Variants in ASAP2 observed in about 807,000 individuals in gnomAD.
The protein encoded by ASAP2 is ArfGAP with SH3 domain, ankyrin repeat and PH domain 2.
In ASAP2, 45 loss-of-function variants were observed where a neutral mutation model predicts 131.4. That is an observed-to-expected ratio of 0.34 (90% CI 0.27 to 0.44). The LOEUF (loss-of-function observed/expected upper bound fraction) is 0.44, where lower values mean the gene tolerates loss of function less well. Among genes scored for constraint, ASAP2 ranks in the 20% least tolerant of loss-of-function variants. ASAP2 has a pLI of 1.00. For missense variants in ASAP2, 1,011 were observed against 1,297.0 expected, an observed-to-expected ratio of 0.78 and a Z score of 3.39; for synonymous variants, 510 against 503.0, an observed-to-expected ratio of 1.01 and a Z score of -0.19.
intron 3 of ASAP2, among the ~76,000 whole-genome samples, chr2:9,305,561 A>G (rs1668850670): frequency 7.8e-6 from 1 of 127,828 alleles, no homozygotes; most frequent in African/African-American, 3.1e-5. Flanking sequence ...ATATTGGTGG[A>G]GGGGCTGTAG....
At chr2:9,266,331 G>T (rs1665948978) in intron 1 of ASAP2, among the ~76,000 whole-genome samples, 1 of 152,004 alleles carries the variant, frequency 6.6e-6, no homozygotes, top group African/African-American at 2.4e-5. Flanking sequence ...ACTTTTTGTA[G>T]AGATGGGGTC....
chr2:9,363,672 C>T (rs1673254319), intron 15 of ASAP2, among the ~76,000 whole-genome samples: 1 of 152,156 alleles, frequency 6.6e-6, no homozygotes, highest in South Asian at 2.1e-4. Flanking sequence ...CAGCCTCTAC[C>T]TCCCAGGCTC....
At chr2:9,371,530 ATT>A (rs1673956665) in intron 16 of ASAP2, among the ~76,000 whole-genome samples, 1 of 152,192 alleles carries the variant, frequency 6.6e-6, no homozygotes, top group South Asian at 2.1e-4. Context: ...TTCTAGCTTT[ATT>A]TCAGAACAGC....
At chr2:9,295,724 T>G (rs1158578415) in intron 2 of ASAP2, among the ~76,000 whole-genome samples, 3 of 152,192 alleles carry the variant, frequency 2.0e-5, no homozygotes, top group Admixed American at 2.0e-4. Context: ...TTCATTTAAT[T>G]TATCTAGAAC....
chr2:9,390,280 G>C (rs921635102), intron 22 of ASAP2, among the ~76,000 whole-genome samples: 1 of 152,246 alleles, frequency 6.6e-6, no homozygotes. Context: ...GGAGTTGACA[G>C]TGTCAGCCTT....
chr2:9,221,835 C>T (rs1223846015), intron 1 of ASAP2, among the ~76,000 whole-genome samples: 2 of 152,204 alleles, frequency 1.3e-5, no homozygotes, highest in Non-Finnish European at 2.9e-5. Context: ...CGCTCTGTCG[C>T]CCAGGCTGGA....
chr2:9,231,701 A>G (rs569129278), intron 1 of ASAP2, among the ~76,000 whole-genome samples: 2 of 152,036 alleles, frequency 1.3e-5, no homozygotes, highest in Non-Finnish European at 2.9e-5. Flanking sequence ...TGGCATCTGC[A>G]TGCTGTGTTC....
chr2:9,240,733 TAAGTC>T (rs1418885992), intron 1 of ASAP2, among the ~76,000 whole-genome samples: 1 of 152,234 alleles, frequency 6.6e-6, no homozygotes, highest in African/African-American at 2.4e-5. Flanking sequence ...AATTTTTCCT[TAAGTC>T]AAGGAGTTTC....
chr2:9,363,358 A>G (rs1673235380), intron 15 of ASAP2, among the ~76,000 whole-genome samples: 1 of 152,144 alleles, frequency 6.6e-6, no homozygotes, highest in Non-Finnish European at 1.5e-5. Flanking sequence ...AACCTCCATA[A>G]CCATTTTCTA....
intron 11 of ASAP2, among the ~76,000 whole-genome samples, chr2:9,350,203 G>T (rs527410569): frequency 6.6e-6 from 1 of 152,054 alleles, no homozygotes; most frequent in Non-Finnish European, 1.5e-5. Context: ...TGTCGTGTGT[G>T]GGGGAGAGGG....
In ASAP2 at chr2:9,368,590, G is replaced by A. The variant is rs1019981872; in HGVS notation, c.1556+71G>A. The A allele has an allele frequency of 2.2e-5, 30 of 1,365,278 alleles. No homozygotes were observed. The East Asian group carries it at 3.0e-4, about 14-fold the overall frequency. The allele number at this position is 1,365,278 out of a possible 1,614,324, so 84.6% of individuals were successfully genotyped here. ...CTTTGCCCGAGCCCCGGGAGGCAGG[G>A]GAATAAGAAGTTTTGGGTGCATCCA... On this transcript the variant is annotated intron_variant, in intron 16 of 27. Coordinates refer to ENST00000281419, the MANE Select transcript of ASAP2 (RefSeq NM_003887.3).
At chr2:9,256,567 A>G (rs923294258) in intron 1 of ASAP2, among the ~76,000 whole-genome samples, 1 of 152,106 alleles carries the variant, frequency 6.6e-6, no homozygotes, top group Non-Finnish European at 1.5e-5. Flanking sequence ...AAGCTTTTGG[A>G]TTTTGTTTTT....
chr2:9,324,147 A>G (rs959517077), intron 6 of ASAP2, among the ~76,000 whole-genome samples: 3 of 152,254 alleles, frequency 2.0e-5, no homozygotes, highest in Admixed American at 6.5e-5. Context: ...CCCTCTGAGC[A>G]ATCAACAACA....
In ASAP2 at chr2:9,388,352, A is replaced by C; in HGVS notation, c.2189A>C (p.Gln730Pro). Residue 730 changes from glutamine (Q) to proline (P), a missense_variant, in exon 22 of 28, where the codon CAG (glutamine) becomes CCG (proline). Physicochemically the swap from Gln to Pro is moderately conservative, Grantham distance 76 (BLOSUM62 -1). Transcript: ENST00000281419. ...PISFYQLGSN[Q>P]LQSNAVSLAR... ...AGCTTCTACCAGCTGGGCTCCAACC[A>C]GCTTCAGTCTAACGCTGTATCTTTG... The C allele has an allele frequency of 6.2e-7, 1 of 1,614,128 alleles. No homozygotes were observed.
intron 1 of ASAP2, among the ~76,000 whole-genome samples, chr2:9,239,403 G>A (rs1192226709): frequency 6.6e-5 from 10 of 152,030 alleles, no homozygotes; most frequent in Admixed American, 5.9e-4. Context: ...TATGATTGTT[G>A]ACCTTTTTAC....
rs1250110741 is a variant in ASAP2 at position 9,393,525 on chromosome 2, C to T, written c.2562C>T (p.Pro854=). 6.2e-7 allele frequency: 1 copy of T among 1,604,616 alleles called. No individual in the cohort carries two copies. Among genetic ancestry groups the T allele is most frequent in the Non-Finnish European group, 8.5e-7 (1 of 1,176,358 alleles). ...CGCCCCCACCCGTTGCCAAGACGCC[C>T]AGCGTAATGGAAGCCTTGAGCCAGC... ...PTPPPPVAKT[P]SVMEALSQPS... is the part of the protein sequence containing the mutation. Residue 854 remains proline (P), a synonymous_variant, in exon 24 of 28, where the codon CCC becomes CCT. Coordinates refer to ENST00000281419, the MANE Select transcript of ASAP2 (RefSeq NM_003887.3).
chr2:9,360,587 C>G (rs888392439), intron 15 of ASAP2, among the ~76,000 whole-genome samples: 2 of 152,182 alleles, frequency 1.3e-5, no homozygotes, highest in Non-Finnish European at 2.9e-5. Flanking sequence ...TGCAACCTGC[C>G]TGTTCTCATG....
At chr2:9,275,541 A>G (rs1437677370) in intron 1 of ASAP2, among the ~76,000 whole-genome samples, 1 of 152,168 alleles carries the variant, frequency 6.6e-6, no homozygotes, top group Non-Finnish European at 1.5e-5. Context: ...TTAGCCCTGA[A>G]TGGCTTTTGA....
intron 2 of ASAP2, among the ~76,000 whole-genome samples, chr2:9,296,179 G>A (rs13384967): frequency 0.31 from 46,534 of 152,126 alleles, 7,424 homozygotes; most frequent in Non-Finnish European, 0.36. Flanking sequence ...TATATTTCCA[G>A]TTGAACTGAT....
Sources: allele counts gnomAD v4.1 joint callset (sites outside exome capture counted in the v4.1 genomes callset), GRCh38; gene constraint gnomAD v4.1.1; transcripts MANE v1.5; gene names NCBI Gene and HGNC (gene_info 2026-07-23, HGNC 2026-07-21).